Variants in NTNG1 observed in about 807,000 individuals in gnomAD.
NTNG1 encodes netrin G1.
In NTNG1, 16 loss-of-function variants were observed where a neutral mutation model predicts 54.0. That is an observed-to-expected ratio of 0.30 (90% CI 0.20 to 0.45). The LOEUF (loss-of-function observed/expected upper bound fraction) is 0.45. Ranked by LOEUF, NTNG1 falls within the 20% of genes least tolerant of loss-of-function variation. NTNG1 has a pLI of 1.00. For synonymous variants in NTNG1, 255 were observed against 263.1 expected, an observed-to-expected ratio of 0.97 and a Z score of 0.30; for missense variants, 530 against 678.7, an observed-to-expected ratio of 0.78 and a Z score of 2.43.
chr1:107,208,426 A>C (rs2101354737), intron 2 of NTNG1, among the ~76,000 whole-genome samples: 1 of 59,890 alleles, frequency 1.7e-5, no homozygotes, highest in African/African-American at 3.3e-5. Context: ...GCCAAACATC[A>C]TCTCAAAAAA....
intron 7 of NTNG1, among the ~76,000 whole-genome samples, chr1:107,455,002 T>C (rs560361148): frequency 3.3e-5 from 5 of 151,946 alleles, no homozygotes; most frequent in African/African-American, 9.7e-5. Context: ...GTAAGCCTTG[T>C]AGGGAAGCAG....
intron 7 of NTNG1, among the ~76,000 whole-genome samples, chr1:107,459,807 C>T (rs929505086): frequency 6.6e-6 from 1 of 152,106 alleles, no homozygotes; most frequent in African/African-American, 2.4e-5. Context: ...TGTTTTAACA[C>T]AAGCATTCAT....
intron 2 of NTNG1, among the ~76,000 whole-genome samples, chr1:107,171,022 G>C (rs1026711401): frequency 4.6e-5 from 7 of 152,056 alleles, no homozygotes; most frequent in African/African-American, 1.7e-4. Context: ...CTGAAATCTA[G>C]CCTTTAGTAT....
At chr1:107,384,050 C>G (rs1374414616) in intron 3 of NTNG1, among the ~76,000 whole-genome samples, 1 of 152,128 alleles carries the variant, frequency 6.6e-6, no homozygotes, top group Non-Finnish European at 1.5e-5. Context: ...TGTCTTTTAT[C>G]CTTCAGCACT....
At chr1:107,306,841 C>T (rs1666725352) in intron 2 of NTNG1, among the ~76,000 whole-genome samples, 1 of 151,716 alleles carries the variant, frequency 6.6e-6, no homozygotes, top group Non-Finnish European at 1.5e-5. Flanking sequence ...TGGTTGTTTT[C>T]TAATGAATTA....
intron 3 of NTNG1, among the ~76,000 whole-genome samples, chr1:107,383,465 T>C (rs925760679): frequency 1.3e-5 from 2 of 152,244 alleles, no homozygotes; most frequent in African/African-American, 4.8e-5. Flanking sequence ...ATTTCACTTA[T>C]GTGGTTCTAT....
At chr1:107,470,027 G>A (rs74110922) in intron 7 of NTNG1, among the ~76,000 whole-genome samples, 7 of 152,206 alleles carry the variant, frequency 4.6e-5, no homozygotes, top group South Asian at 2.1e-4. Flanking sequence ...ATGGTCATCC[G>A]TTGGGTTGCA....
chr1:107,249,843 A>C (rs986352821), intron 2 of NTNG1, among the ~76,000 whole-genome samples: 5 of 152,324 alleles, frequency 3.3e-5, no homozygotes, highest in Non-Finnish European at 7.4e-5. Context: ...AAATGTTACC[A>C]TAATATGCAT....
intron 2 of NTNG1, among the ~76,000 whole-genome samples, chr1:107,279,148 C>T (rs987203201): frequency 4.6e-5 from 7 of 152,112 alleles, no homozygotes; most frequent in African/African-American, 9.7e-5. Context: ...GAGAGTATTT[C>T]CAGCACCAAA....
chr1:107,320,487 TTTAA>T (rs1430439128), intron 2 of NTNG1, among the ~76,000 whole-genome samples: 2 of 152,084 alleles, frequency 1.3e-5, no homozygotes, highest in African/African-American at 2.4e-5. Flanking sequence ...TAGCTGAAAA[TTTAA>T]TTAATCTAAT....
intron 2 of NTNG1, among the ~76,000 whole-genome samples, chr1:107,235,638 A>G (rs1266242673): frequency 6.6e-6 from 1 of 152,188 alleles, no homozygotes; most frequent in Non-Finnish European, 1.5e-5. Context: ...CTCCATAACA[A>G]AGGCTTTAAC....
At chr1:107,350,899 A>G (rs1436254110) in intron 3 of NTNG1, among the ~76,000 whole-genome samples, 3 of 152,192 alleles carry the variant, frequency 2.0e-5, no homozygotes, top group Admixed American at 1.3e-4. Context: ...TGCAGGTTGA[A>G]TAAGTTTTGG....
Position 107,378,025 on chromosome 1 carries a change from G to A in NTNG1, c.888-17129G>A, listed in dbSNP as rs1056842567. Among the ~76,000 whole-genome samples, 4 of 152,296 alleles carry A rather than the reference G, an allele frequency of 2.6e-5. No individual in the cohort carries two copies. The South Asian group carries it at 6.2e-4, about 24-fold the overall frequency. On this transcript the variant is annotated intron_variant, in intron 3 of 7. Transcript: ENST00000370068. ...GATGTTGCTGGCAGAACTGCCAATC[G>A]GTTTCATTAACACTAAAGTACATTT...
intron 2 of NTNG1, among the ~76,000 whole-genome samples, chr1:107,185,067 G>A (rs960588171): frequency 2.0e-5 from 3 of 152,172 alleles, no homozygotes; most frequent in African/African-American, 7.2e-5. Flanking sequence ...GCACCTTCAT[G>A]TGGCTTCTCA....
chr1:107,216,747 G>A (rs1054017223), intron 2 of NTNG1, among the ~76,000 whole-genome samples: 5 of 150,482 alleles, frequency 3.3e-5, no homozygotes, highest in African/African-American at 4.9e-5. Flanking sequence ...GCATGATCTC[G>A]GCTCACTGCA....
intron 2 of NTNG1, among the ~76,000 whole-genome samples, chr1:107,174,583 CTA>C (rs1378633992): frequency 6.6e-6 from 1 of 151,880 alleles, no homozygotes; most frequent in Non-Finnish European, 1.5e-5. Flanking sequence ...GGGTCTATGC[CTA>C]TGACAGCAAT....
chr1:107,384,540 C>T (rs898506382), intron 3 of NTNG1, among the ~76,000 whole-genome samples: 9 of 152,240 alleles, frequency 5.9e-5, no homozygotes, highest in South Asian at 4.1e-4. Flanking sequence ...GCATAGCAGT[C>T]TATTTCTCTG....
chr1:107,466,777 T>C (rs1020924873), intron 7 of NTNG1, among the ~76,000 whole-genome samples: 6 of 152,214 alleles, frequency 3.9e-5, no homozygotes, highest in Non-Finnish European at 7.3e-5. Flanking sequence ...TGAAAGTCCC[T>C]GAAGGCATAG....
chr1:107,462,559 C>T (rs896882388), intron 7 of NTNG1, among the ~76,000 whole-genome samples: 5 of 152,200 alleles, frequency 3.3e-5, no homozygotes, highest in Non-Finnish European at 5.9e-5. Context: ...TTAATTTAAA[C>T]CTCACCTTCC....
Sources: gnomAD v4.1 joint callset for allele counts (sites outside exome capture counted in the v4.1 genomes callset) on GRCh38, gnomAD v4.1.1 for gene constraint, MANE v1.5 for transcripts, NCBI Gene and HGNC (gene_info 2026-07-23, HGNC 2026-07-21) for gene names.